PHLPP2: variants seen among roughly 807,000 people sequenced by gnomAD.
PHLPP2 encodes PH domain leucine-rich repeat-containing protein phosphatase 2.
PHLPP2 carries 66 observed loss-of-function variants against 124.9 expected under a neutral mutation model. That is an observed-to-expected ratio of 0.53 (90% confidence interval 0.43 to 0.65). The LOEUF is 0.65. Ranked by LOEUF, PHLPP2 falls within the 30% of genes least tolerant of loss-of-function variation. The pLI, the probability that PHLPP2 is intolerant of heterozygous loss-of-function variation, is 0.00. For missense variants in PHLPP2, 1,685 were observed against 1,600.4 expected (o/e 1.05, Z -0.90); for synonymous variants, 681 against 624.7 (o/e 1.09, Z -1.34).
intron 13 of PHLPP2, among the ~76,000 whole-genome samples, chr16:71,662,856 C>A (rs956211448): frequency 7.8e-6 from 1 of 128,714 alleles, no homozygotes; most frequent in South Asian, 3.1e-4. Context: ...GATCCCATCT[C>A]TTAAAAAAAA....
chr16:71,672,465 G>A (rs1214753398), intron 9 of PHLPP2, 143 bp from the exon 10 acceptor site: 8 of 651,492 alleles, frequency 1.2e-5, no homozygotes, highest in Non-Finnish European at 1.9e-5. Flanking sequence ...AAAAACTACT[G>A]AAAACTCACT....
At chr16:71,677,914 T>G (rs1313974939) in intron 8 of PHLPP2, 1 of 152,210 alleles carries the variant, frequency 6.6e-6, no homozygotes, top group East Asian at 1.9e-4. Context: ...CTCACTGCTA[T>G]GTAAATAAAC....
chr16:71,704,321 A>C (rs984439288), intron 2 of PHLPP2, among the ~76,000 whole-genome samples: 2 of 151,086 alleles, frequency 1.3e-5, no homozygotes, highest in Admixed American at 6.6e-5. Context: ...AAAAAAAAAA[A>C]AAAACTTAAT....
chr16:71,693,334 C>T, intron 3 of PHLPP2, among the ~76,000 whole-genome samples: 1 of 152,036 alleles, frequency 6.6e-6, no homozygotes, highest in East Asian at 1.9e-4. Flanking sequence ...CATCACCATC[C>T]CTGTACAGCA....
chr16:71,700,118 T>C (rs1016017110), intron 3 of PHLPP2, among the ~76,000 whole-genome samples: 1 of 152,182 alleles, frequency 6.6e-6, no homozygotes, highest in South Asian at 2.1e-4. Context: ...TAGATCCGGC[T>C]GCTCACAGTG....
At chr16:71,678,706 G>A (rs756992489) in intron 8 of PHLPP2, 49 bp downstream of exon 8, 1 of 942,256 alleles carries the variant, frequency 1.1e-6, no homozygotes, top group Non-Finnish European at 1.7e-6. Flanking sequence ...AAGACATAAA[G>A]GTCCACCAGA....
At position 71,690,503 on chromosome 16, in the gene PHLPP2, T is replaced by A. The variant is rs772898763; in HGVS notation, c.609+16A>T. The A allele has an allele frequency of 1.3e-6, 2 of 1,523,582 alleles. No homozygotes were observed. Among genetic ancestry groups the A allele is most frequent in the South Asian group, 1.2e-5 (1 of 85,228 alleles). 94.4% of individuals were successfully genotyped at this position (1,523,582 alleles called of 1,614,324 possible). A position where few individuals can be genotyped will look rare whatever the true frequency, so the allele number is the denominator to read the frequency against. ...AGATGATCAAATGAAAAATAATTCA[T>A]CTTTGTGAGTCTTACCTTTCCACCA... On this transcript the variant is annotated intron_variant, in intron 4 of 18. Transcript: ENST00000568954.
rs753422591 is a variant in PHLPP2, at chr16:71,649,825, G to A, written c.3037C>T (p.Leu1013=). The A allele has an allele frequency of 1.2e-6, 2 of 1,614,190 alleles. No homozygotes were observed. Among genetic ancestry groups the A allele is most frequent in the South Asian group, 1.1e-5 (1 of 91,078 alleles). ...VQDPLAAAKK[L]CTLAQSYGCQ... ...CCATAGCTCTGCGCTAATGTGCACA[G>A]CTTCTTAGCAGCTGCTAATGGGTCT... The change falls in exon 19 of 19, where the codon CTG becomes TTG. Residue 1013 remains leucine (L), a synonymous_variant. Transcript: ENST00000568954.
At chr16:71,683,962 T>C (rs1012991698) in intron 5 of PHLPP2, among the ~76,000 whole-genome samples, 1 of 151,998 alleles carries the variant, frequency 6.6e-6, no homozygotes, top group Admixed American at 6.6e-5. Context: ...CCCGCTAATT[T>C]TGTATTTTTA....
chr16:71,691,933 A>G (rs2045117463), intron 3 of PHLPP2, among the ~76,000 whole-genome samples: 1 of 152,088 alleles, frequency 6.6e-6, no homozygotes, highest in Non-Finnish European at 1.5e-5. Context: ...CTGTGTCTTA[A>G]AAACAAAAAA....
chr16:71,680,008 G>A (rs76738476), intron 6 of PHLPP2, among the ~76,000 whole-genome samples: 29,443 of 151,802 alleles, frequency 0.19, 3,196 homozygotes, highest in South Asian at 0.47. Context: ...GCATCAACCC[G>A]GGAGGCGGAG....
intron 13 of PHLPP2, among the ~76,000 whole-genome samples, chr16:71,663,366 C>T (rs763044750): frequency 6.6e-6 from 1 of 152,250 alleles, no homozygotes; most frequent in Non-Finnish European, 1.5e-5. Context: ...CCGCCTTGGC[C>T]TCCCAAAGTG....
chr16:71,671,326 T>C (rs1168068551), intron 10 of PHLPP2, among the ~76,000 whole-genome samples: 1 of 152,118 alleles, frequency 6.6e-6, no homozygotes, highest in Non-Finnish European at 1.5e-5. Flanking sequence ...GCATTTTGCA[T>C]TTATCATCTC....
intron 3 of PHLPP2, among the ~76,000 whole-genome samples, chr16:71,695,702 C>G (rs1221002746): frequency 7.0e-6 from 1 of 141,898 alleles, no homozygotes; most frequent in East Asian, 2.3e-4. Flanking sequence ...AAGAGTGAGA[C>G]TCTGTCTCAG....
At position 71,646,965 on chromosome 16, in the gene PHLPP2, G is replaced by A. The variant is rs1021845395; in HGVS notation, c.*1925C>T. The A allele has an allele frequency of 2.6e-5, 4 of 152,400 alleles. No individual in the cohort carries two copies. The highest frequency in any genetic ancestry group is 1.3e-4 in the Admixed American group (2 of 15,260). 9.4% of individuals were successfully genotyped at this position (152,400 alleles called of 1,614,324 possible). On this transcript the variant is annotated 3_prime_UTR_variant, in exon 19 of 19. Coordinates refer to ENST00000568954, the MANE Select transcript of PHLPP2 (RefSeq NM_015020.3). ...CAATGACACGTGCATATGAGCATGG[G>A]GCCTCTGAGAAGATGAAGACACATA...
chr16:71,708,536 A>C (rs538912981), intron 2 of PHLPP2, among the ~76,000 whole-genome samples: 9 of 152,300 alleles, frequency 5.9e-5, no homozygotes, highest in Non-Finnish European at 1.3e-4. Flanking sequence ...TGCTCACACA[A>C]AGCCTGTTTG....
chr16:71,690,553 C>G lies in PHLPP2; in HGVS notation c.575G>C (p.Gly192Ala). ...AACCAGAGGCAAAATGTGCATCTTT[C>G]CAGTTTGACAATCCTTCACTGAGGA... ...IVSSVKDCQT[G>A]KMHILPLVGG... The change falls in exon 4 of 19, where the codon GGA (glycine) becomes GCA (alanine). Residue 192 changes from glycine to alanine, a missense_variant. Gly to Ala is a moderately conservative substitution (Grantham distance 60). Coordinates refer to ENST00000568954, the MANE Select transcript of PHLPP2 (RefSeq NM_015020.3). The G allele has an allele frequency of 6.2e-7, 1 of 1,611,516 alleles. No individual in the cohort carries two copies. The highest frequency in any genetic ancestry group is 8.5e-7 in the Non-Finnish European group (1 of 1,179,024).
intron 3 of PHLPP2, chr16:71,698,626 A>G (rs939080470): frequency 5.0e-6 from 3 of 600,384 alleles, no homozygotes; most frequent in African/African-American, 1.8e-5. Context: ...TACGCTACCA[A>G]GGAAGCTGCT....
rs150183017 is a variant in PHLPP2 at position 71,710,557 on chromosome 16, T to C, written c.284+3955A>G. Among the ~76,000 whole-genome samples, 297 of 152,264 alleles carry C rather than the reference T, an allele frequency of 2.0e-3. 1 individual carries two copies. The highest frequency in any genetic ancestry group is 2.4e-3 in the Admixed American group (37 of 15,298). ...CTTGCATGATTTCAGACAACTGAAA[T>C]AGGTAATATTTATTGAGCACTTGTT... On this transcript the variant is annotated intron_variant, in intron 2 of 18. Coordinates refer to ENST00000568954, the MANE Select transcript of PHLPP2 (RefSeq NM_015020.3).
Sources: gnomAD v4.1 joint callset for allele counts (sites outside exome capture counted in the v4.1 genomes callset) on GRCh38, gnomAD v4.1.1 for gene constraint, MANE v1.5 for transcripts, NCBI Gene and HGNC (gene_info 2026-07-23, HGNC 2026-07-21) for gene names.